The following PIN4 variants were observed in gnomAD, a reference collection of about 807,000 sequenced individuals.
The protein encoded by PIN4 is peptidylprolyl cis/trans isomerase, NIMA-interacting 4, also known as peptidyl-prolyl cis-trans isomerase NIMA-interacting 4.
PIN4 carries 3 observed loss-of-function variants against 8.3 expected under a neutral mutation model. The ratio of observed to expected loss-of-function variants is 0.36; its 90% CI spans 0.16 to 0.93. PIN4 has a LOEUF of 0.93. PIN4 is among the 40% of genes least tolerant of loss of function. PIN4 has a pLI of 0.44. For synonymous variants in PIN4, 18 were observed against 32.5 expected, an observed-to-expected ratio of 0.55 and a Z score of 1.52; for missense variants, 75 against 100.6, an observed-to-expected ratio of 0.75 and a Z score of 1.09.
At chrX:72,186,217 A>ATT (rs201019008) in intron 1 of PIN4, 51 of 358,965 alleles carry the variant, frequency 1.4e-4, no homozygotes, top group Admixed American at 1.8e-4. Context: ...TTTATTTGTG[A>ATT]TTTTTTTTTT....
At chrX:72,187,717 C>T (rs1331479395) in intron 2 of PIN4, among the ~76,000 whole-genome samples, 1 of 111,454 alleles carries the variant, frequency 9.0e-6, no homozygotes, top group African/African-American at 3.3e-5. Flanking sequence ...GTGGGAGGAT[C>T]GCTTGAGCCC....
chrX:72,258,876 C>T (rs1462967539), intron 3 of PIN4, among the ~76,000 whole-genome samples: 3 of 111,260 alleles, frequency 2.7e-5, no homozygotes, highest in Admixed American at 9.6e-5. Context: ...ACTCCCACTA[C>T]CATTACGTGA....
In PIN4 at chrX:72,188,016, C is replaced by CAGAG. The variant is rs34336014; in HGVS notation, c.117+1494_117+1497dup. Among the ~76,000 whole-genome samples the CAGAG allele has an allele frequency of 9.2e-3, 1,004 of 108,703 alleles. 10 individuals carry two copies. The highest frequency in any genetic ancestry group is 0.032 in the African/African-American group (953 of 29,852). 94.4% of individuals were successfully genotyped at this position (108,703 alleles called of 115,157 possible). Reference sequence around the variant, plus strand: ...TTCTATTCAATGAACCTATGCCCCACAGAGAGAGAGAGAGATGAGAGACAT... The same window carrying CAGAG: ...TTCTATTCAATGAACCTATGCCCCACAGAGAGAGAGAGAGAGAGATGAGAGACAT... On this transcript the variant is annotated intron_variant, in intron 2 of 3. Transcript: ENST00000373669.
intron 3 of PIN4, chrX:72,206,877 G>A (rs1421306483): frequency 1.7e-6 from 2 of 1,209,887 alleles, no homozygotes; most frequent in Admixed American, 2.2e-5. Context: ...GAAGATCCTC[G>A]ATTGTAAAGA....
chrX:72,205,594 T>G lies in PIN4; in HGVS notation c.312+8690T>G. 1 of 1,211,439 alleles carries G rather than the reference T, an allele frequency of 8.3e-7. No homozygotes were observed. The highest frequency in any genetic ancestry group is 1.1e-6 in the Non-Finnish European group (1 of 895,048). On this transcript the variant is annotated intron_variant, in intron 3 of 3. Transcript: ENST00000423432. Reference sequence around the variant, plus strand: ...ATTTTTGGGAGTTGAAGCATCAAATTGTTTCACAGATGAGAATTGAAAGAG... The same window carrying G: ...ATTTTTGGGAGTTGAAGCATCAAATGGTTTCACAGATGAGAATTGAAAGAG...
chrX:72,192,790 G>A (rs554073660), intron 2 of PIN4, among the ~76,000 whole-genome samples: 1 of 110,013 alleles, frequency 9.1e-6, no homozygotes, highest in South Asian at 3.9e-4. Context: ...AGAGATGGGG[G>A]TCTTACTATG....
chrX:72,192,790 G>T (rs554073660), intron 2 of PIN4, among the ~76,000 whole-genome samples: 1 of 110,013 alleles, frequency 9.1e-6, no homozygotes, highest in South Asian at 3.9e-4. Flanking sequence ...AGAGATGGGG[G>T]TCTTACTATG....
chrX:72,251,154 G>A (rs1460066809), intron 3 of PIN4, among the ~76,000 whole-genome samples: 1 of 104,251 alleles, frequency 9.6e-6, no homozygotes, highest in Non-Finnish European at 2.0e-5. Flanking sequence ...TCAGGAGATC[G>A]AGACCATCCT....
rs772664721 is a variant in PIN4, at chrX:72,197,379, T to C, written c.249T>C (p.Gly83=). 8.3e-7 allele frequency: 1 copy of C among 1,204,840 alleles called. No individual in the cohort carries two copies. Among genetic ancestry groups the C allele is most frequent in the Non-Finnish European group, 1.1e-6 (1 of 891,380 alleles). The change falls in exon 4 of 4, where the codon GGT becomes GGC. Residue 83 remains glycine (G), a synonymous_variant. Coordinates refer to ENST00000373669, the MANE Select transcript of PIN4 (RefSeq NM_006223.4). ...TTTGGGTTTTTCAGGGTGACTTGGG[T>C]TGGATGACCAGAGGGTCCATGGTGG... The part of the protein sequence containing the change: ...EDKARQGGDL[G]WMTRGSMVGP...
At chrX:72,260,419 C>T (rs1191569977) in intron 3 of PIN4, among the ~76,000 whole-genome samples, 2 of 112,642 alleles carry the variant, frequency 1.8e-5, no homozygotes, top group East Asian at 5.6e-4. Context: ...CCCTTTCACT[C>T]TGTCCTCCCT....
At chrX:72,241,813 G>T in intron 3 of PIN4, among the ~76,000 whole-genome samples, 1 of 78,659 alleles carries the variant, frequency 1.3e-5, no homozygotes. Context: ...GCGAAACTCC[G>T]TCTCAAAAAA....
intron 3 of PIN4, among the ~76,000 whole-genome samples, chrX:72,232,087 C>T (rs7052528): frequency 0.42 from 45,753 of 107,882 alleles, 8,881 homozygotes; most frequent in East Asian, 0.98. Context: ...TCTAAAAAAA[C>T]AGAAATAAAA....
chrX:72,250,438 A>G (rs2043082266), intron 3 of PIN4, among the ~76,000 whole-genome samples: 1 of 111,160 alleles, frequency 9.0e-6, no homozygotes, highest in Admixed American at 9.6e-5. Context: ...CTCAAAAAAC[A>G]AAAAAATGAC....
intron 1 of PIN4, chrX:72,186,243 T>G (rs1200597906): frequency 6.9e-6 from 3 of 437,897 alleles, no homozygotes; most frequent in Non-Finnish European, 1.2e-5. Context: ...GCTTGTCAAC[T>G]ATCATTAGTG....
chrX:72,205,171 T>A (rs1204832578), intron 3 of PIN4: 1 of 1,210,021 alleles, frequency 8.3e-7, no homozygotes, highest in African/African-American at 1.7e-5. Context: ...AGTCTCATAG[T>A]CATTTGTAGC....
intron 3 of PIN4, among the ~76,000 whole-genome samples, chrX:72,253,423 C>T (rs1480806230): frequency 3.6e-5 from 4 of 111,160 alleles, no homozygotes; most frequent in Non-Finnish European, 7.5e-5. Context: ...GTCAGGAGTT[C>T]GAGACCAGCC....
intron 3 of PIN4, among the ~76,000 whole-genome samples, chrX:72,239,536 C>T (rs1257981167): frequency 9.0e-6 from 1 of 111,571 alleles, no homozygotes; most frequent in Non-Finnish European, 1.9e-5. Context: ...TTTGGGAGAC[C>T]GGGGCGGGCG....
At chrX:72,249,888 T>C (rs922040222) in intron 3 of PIN4, among the ~76,000 whole-genome samples, 4 of 111,287 alleles carry the variant, frequency 3.6e-5, no homozygotes, top group African/African-American at 1.3e-4. Context: ...CATTTTACTG[T>C]GGGTAAATTA....
rs756345037 is a variant in PIN4, at chrX:72,195,512, C to T, written c.118-1273C>T. Among the ~76,000 whole-genome samples, 17 of 109,544 alleles carry T rather than the reference C, an allele frequency of 1.6e-4. 1 individual carries two copies. Among genetic ancestry groups the T allele is most frequent in the Middle Eastern group, 9.6e-3 (2 of 209 alleles). On this transcript the variant is annotated intron_variant, in intron 2 of 3. Transcript: ENST00000373669. ...AAAAAGTTAGCTGGGCGTGGTGGTG[C>T]GCACCTATAGTCCCAGCTACTTGGG...
Sources: gnomAD v4.1 joint callset for allele counts (sites outside exome capture counted in the v4.1 genomes callset) on GRCh38, gnomAD v4.1.1 for gene constraint, MANE v1.5 for transcripts, NCBI Gene and HGNC (gene_info 2026-07-23, HGNC 2026-07-21) for gene names.